NETO2: variants seen among roughly 807,000 people sequenced by gnomAD.
NETO2 encodes neuropilin and tolloid-like protein 2.
NETO2 carries 28 observed loss-of-function variants against 62.5 expected under a neutral mutation model. That is an observed-to-expected ratio of 0.45 (90% confidence interval 0.33 to 0.61). The LOEUF (loss-of-function observed/expected upper bound fraction) is 0.61. Among genes scored for constraint, NETO2 ranks in the 20% least tolerant of loss-of-function variants. The pLI is 0.02. For missense variants in NETO2, 548 were observed against 643.2 expected (o/e 0.85, Z 1.60); for synonymous variants, 214 against 219.1 (o/e 0.98, Z 0.21).
chr16:47,143,397 G>A (rs914803012), intron 1 of NETO2, among the ~76,000 whole-genome samples, 182 bp downstream of exon 1: 2 of 151,924 alleles, frequency 1.3e-5, no homozygotes, highest in Non-Finnish European at 2.9e-5. Flanking sequence ...CGCGCCCGGA[G>A]AGCCGGCGGA....
At chr16:47,119,697 G>A (rs1173604796) in intron 6 of NETO2, among the ~76,000 whole-genome samples, 1 of 151,650 alleles carries the variant, frequency 6.6e-6, no homozygotes, top group African/African-American at 2.4e-5. Context: ...TTTTTTAAAT[G>A]TAGTATTTTC....
At chr16:47,123,504 A>T (rs1964086898) in intron 4 of NETO2, among the ~76,000 whole-genome samples, 1 of 152,190 alleles carries the variant, frequency 6.6e-6, no homozygotes. Flanking sequence ...AGTCTTAAAA[A>T]AAAAAAGGTT....
At position 47,115,700 on chromosome 16, in the gene NETO2, T is replaced by TATATATATATATATAC. The variant is rs1567391520; in HGVS notation, c.655-5990_655-5989insGTATATATATATATAT. Among the ~76,000 whole-genome samples the TATATATATATATATAC allele has an allele frequency of 1.2e-3, 169 of 136,586 alleles. 1 individual carries two copies. The highest frequency in any genetic ancestry group is 5.1e-3 in the African/African-American group (164 of 31,908). 89.6% of individuals were successfully genotyped at this position (136,586 alleles called of 152,430 possible). ...AGCCACCATGCCCGGCTAATTTTTATATATATATATATACATATATATATA... is the reference window on the plus strand; with the variant it reads ...AGCCACCATGCCCGGCTAATTTTTATATATATATATATATACATATATATATATACATATATATATA... On this transcript the variant is annotated intron_variant, in intron 6 of 8. Transcript: ENST00000562435.
intron 7 of NETO2, among the ~76,000 whole-genome samples, chr16:47,088,205 A>G (rs2143809666): frequency 6.6e-6 from 1 of 152,286 alleles, no homozygotes; most frequent in African/African-American, 2.4e-5. Flanking sequence ...CCCAGGTTCA[A>G]GCAATTCTCC....
chr16:47,081,973 T>C lies in NETO2; in HGVS notation c.*1248A>G, dbSNP rs1963069980. On this transcript the variant is annotated 3_prime_UTR_variant, in exon 9 of 9. Coordinates refer to ENST00000562435, the MANE Select transcript of NETO2 (RefSeq NM_018092.5). ...CCAGGTCCAACACAGCATATTTGCA[T>C]ACAAAGCCACTGATGTGAACACTGA... 1 of 152,660 alleles carries C rather than the reference T, an allele frequency of 6.6e-6. No homozygotes were observed. The highest frequency in any genetic ancestry group is 2.1e-4 in the South Asian group (1 of 4,838). The allele number at this position is 152,660 out of a possible 1,614,324, so 9.5% of individuals were successfully genotyped here.
intron 2 of NETO2, among the ~76,000 whole-genome samples, chr16:47,130,372 A>T (rs1964240413): frequency 2.0e-5 from 3 of 152,040 alleles, no homozygotes; most frequent in Admixed American, 2.0e-4. Flanking sequence ...GTTAACGATC[A>T]GTTTTTAGTG....
intron 4 of NETO2, among the ~76,000 whole-genome samples, chr16:47,127,143 C>T (rs1325992974): frequency 6.6e-6 from 1 of 152,120 alleles, no homozygotes; most frequent in African/African-American, 2.4e-5. Flanking sequence ...AATTAAATTT[C>T]TTGCACGAAA....
chr16:47,103,053 A>G (rs1963590078), intron 7 of NETO2, among the ~76,000 whole-genome samples: 1 of 152,210 alleles, frequency 6.6e-6, no homozygotes, highest in Non-Finnish European at 1.5e-5. Flanking sequence ...ATGCTCATCA[A>G]TGATAGACTG....
At chr16:47,133,393 GA>G (rs370625104) in intron 1 of NETO2, among the ~76,000 whole-genome samples, 255 of 134,882 alleles carry the variant, frequency 1.9e-3, no homozygotes, top group East Asian at 0.012. Context: ...TGTCTCTACG[GA>G]AAAAAAAAAA....
chr16:47,111,708 G>C (rs571758616), intron 6 of NETO2, among the ~76,000 whole-genome samples: 1 of 152,298 alleles, frequency 6.6e-6, no homozygotes, highest in East Asian at 1.9e-4. Flanking sequence ...GGGTAGGCCG[G>C]TCTGCTCTGC....
chr16:47,123,046 G>C, intron 4 of NETO2, 134 bp from the exon 5 acceptor site: 19 of 760,236 alleles, frequency 2.5e-5, no homozygotes, highest in Non-Finnish European at 3.7e-5. Context: ...ACATATCATT[G>C]GTCATTTAGG....
At chr16:47,117,401 T>G (rs1343428330) in intron 6 of NETO2, among the ~76,000 whole-genome samples, 4 of 152,242 alleles carry the variant, frequency 2.6e-5, no homozygotes, top group Non-Finnish European at 5.9e-5. Context: ...TCTGCAGATA[T>G]ATGTCCTTCA....
At position 47,116,146 on chromosome 16, in the gene NETO2, T is replaced by G. The variant is rs1963916783; in HGVS notation, c.655-6435A>C. Among the ~76,000 whole-genome samples the G allele has an allele frequency of 4.6e-5, 7 of 151,400 alleles. No homozygotes were observed. The South Asian group carries it at 1.5e-3, about 32-fold the overall frequency. The stretch of plus-strand genomic sequence containing the variant: ...GTGTCAGCTGTAGGGTTTTCTGTTT[T>G]TTTTTTTTTTTTCTAAGAGACAGGC... On this transcript the variant is annotated intron_variant, in intron 6 of 8. Transcript: ENST00000562435.
At chr16:47,095,359 T>G (rs1425923698) in intron 7 of NETO2, among the ~76,000 whole-genome samples, 2 of 152,058 alleles carry the variant, frequency 1.3e-5, no homozygotes, top group Non-Finnish European at 2.9e-5. Flanking sequence ...ACCTTCCTCA[T>G]CAGCAATTAA....
intron 7 of NETO2, among the ~76,000 whole-genome samples, chr16:47,103,163 C>G (rs1434575611): frequency 6.6e-6 from 1 of 152,164 alleles, no homozygotes; most frequent in Non-Finnish European, 1.5e-5. Context: ...AGCTGGAAAT[C>G]ATCATTCTCA....
At chr16:47,107,110 A>AGT (rs1413059163) in intron 7 of NETO2, among the ~76,000 whole-genome samples, 1 of 152,200 alleles carries the variant, frequency 6.6e-6, no homozygotes, top group Non-Finnish European at 1.5e-5. Flanking sequence ...AAAAACATAA[A>AGT]GTGTAAAAGA....
chr16:47,135,953 CAATA>C (rs879283749), intron 1 of NETO2, among the ~76,000 whole-genome samples: 2 of 151,918 alleles, frequency 1.3e-5, no homozygotes, highest in Non-Finnish European at 2.9e-5. Flanking sequence ...AATAAATAAA[CAATA>C]AATATACTGA....
At chr16:47,119,354 T>C (rs900532492) in intron 6 of NETO2, among the ~76,000 whole-genome samples, 1 of 152,014 alleles carries the variant, frequency 6.6e-6, no homozygotes, top group Non-Finnish European at 1.5e-5. Context: ...GGTTTCACCA[T>C]GTTAGCCAGG....
intron 6 of NETO2, among the ~76,000 whole-genome samples, chr16:47,118,276 T>G (rs2143942915): frequency 6.6e-6 from 1 of 152,294 alleles, no homozygotes; most frequent in South Asian, 2.1e-4. Context: ...ACTCAGGGAC[T>G]CAGAGGTGGT....
Sources: gnomAD v4.1 joint callset for allele counts (sites outside exome capture counted in the v4.1 genomes callset) on GRCh38, gnomAD v4.1.1 for gene constraint, MANE v1.5 for transcripts, NCBI Gene and HGNC (gene_info 2026-07-23, HGNC 2026-07-21) for gene names.